The following ZNF662 variants were observed in gnomAD, a reference collection of about 807,000 sequenced individuals.
ZNF662 encodes zinc finger protein 662.
ZNF662 carries 14 observed loss-of-function variants against 12.4 expected under a neutral mutation model. The ratio of observed to expected loss-of-function variants is 1.13; its 90% CI spans 0.75 to 1.77. The LOEUF is 1.77. Among genes scored for constraint, ZNF662 ranks in the 40% most tolerant of loss-of-function variants. The probability of loss-of-function intolerance (pLI) is 0.00; values close to 1 mark genes in which losing one functional copy is unlikely to be tolerated. For synonymous variants in ZNF662, 184 were observed against 176.4 expected, an observed-to-expected ratio of 1.04 and a Z score of -0.34; for missense variants, 550 against 515.6, an observed-to-expected ratio of 1.07 and a Z score of -0.65.
At position 42,906,502 on chromosome 3, in the gene ZNF662, G is replaced by A; in HGVS notation, c.-94+334G>A. On this transcript the variant is annotated intron_variant, in intron 1 of 4. Coordinates refer to ENST00000440367, the MANE Select transcript of ZNF662 (RefSeq NM_207404.4). The surrounding 1 kb of genome is among the most constrained non-coding windows in gnomAD (Gnocchi z 4.4). ...CCCTGCCCTGGGTTCTAGGCCCGGA[G>A]ACGGGGTGGTGCGGCGGCTGGGAAA... is the stretch of plus-strand genomic sequence containing the variant. 1 of 1,351,588 alleles carries A rather than the reference G, an allele frequency of 7.4e-7. No individual in the cohort carries two copies. Among genetic ancestry groups the A allele is most frequent in the Non-Finnish European group, 9.6e-7 (1 of 1,043,264 alleles). The allele number at this position is 1,351,588 out of a possible 1,614,324, so 83.7% of individuals were successfully genotyped here.
chr3:42,910,317 G>A (rs552314200), intron 3 of ZNF662, among the ~76,000 whole-genome samples: 4 of 152,296 alleles, frequency 2.6e-5, no homozygotes, highest in South Asian at 4.1e-4. Flanking sequence ...GTCCAGCCTT[G>A]GCTGGGCTTT....
At chr3:42,907,291 CGGGTGGTGG>C (rs1204984648) in intron 1 of ZNF662, among the ~76,000 whole-genome samples, 1 of 151,936 alleles carries the variant, frequency 6.6e-6, no homozygotes, top group East Asian at 1.9e-4. Context: ...GAGAGTGTTG[CGGGTGGTGG>C]GGGTGCAGGG....
At chr3:42,912,227 A>AAT (rs990914095) in intron 3 of ZNF662, among the ~76,000 whole-genome samples, 1 of 134,732 alleles carries the variant, frequency 7.4e-6, no homozygotes, top group African/African-American at 2.8e-5. Flanking sequence ...ATATAAATAA[A>AAT]ATATATATAA....
At position 42,914,583 on chromosome 3, in the gene ZNF662, A is replaced by T. The variant is rs778389631; in HGVS notation, c.510A>T (p.Ser170=). The change falls in exon 5 of 5, where the codon TCA becomes TCT. Residue 170 remains serine, a synonymous_variant. Coordinates refer to ENST00000440367, the MANE Select transcript of ZNF662 (RefSeq NM_207404.4). ...AGATGATCTCAGTAGAAGAGAGTTC[A>T]GGGAATACTGATGTCAATAACCTCC... ...KDEMISVEES[S]GNTDVNNLLG... The T allele has an allele frequency of 1.2e-6, 2 of 1,614,092 alleles. No homozygotes were observed.
At chr3:42,909,396 T>TAAC (rs1447077042) in intron 3 of ZNF662, among the ~76,000 whole-genome samples, 4 of 152,060 alleles carry the variant, frequency 2.6e-5, no homozygotes, top group African/African-American at 9.7e-5. Flanking sequence ...GGTTATAGAT[T>TAAC]AACAGCATCC....
Position 42,914,746 on chromosome 3 carries a change from T to C in ZNF662, c.673T>C (p.Cys225Arg). ...NGEKVYGCKE[C>R]GKAFSFRSHC... Reference sequence around the variant, plus strand: ...AGAGAAGGTCTATGGATGTAAGGAATGTGGGAAGGCTTTCAGTTTTCGATC... The same window carrying C: ...AGAGAAGGTCTATGGATGTAAGGAACGTGGGAAGGCTTTCAGTTTTCGATC... The change falls in exon 5 of 5, where the codon TGT (cysteine) becomes CGT (arginine). Residue 225 changes from cysteine to arginine, a missense_variant. Physicochemically the swap from Cys to Arg is radical, Grantham distance 180. Transcript: ENST00000440367. 6.2e-7 allele frequency: 1 copy of C among 1,614,158 alleles called. No individual in the cohort carries two copies. Among genetic ancestry groups the C allele is most frequent in the Non-Finnish European group, 8.5e-7 (1 of 1,179,988 alleles).
At position 42,913,302 on chromosome 3, in the gene ZNF662, GGTAA is replaced by G; in HGVS notation, c.253+3_253+6del. On this transcript the variant is annotated splice_donor_variant and splice_donor_region_variant and intron_variant, in intron 4 of 4. Transcript: ENST00000440367. LOFTEE classifies it high-confidence loss of function. The stretch of plus-strand genomic sequence containing the variant: ...AGAGGGTCCAAGCCTGATTTGTCCG[GGTAA>G]GTGAGAGGGAAATGAGCATTCTTCT... The G allele has an allele frequency of 6.2e-7, 1 of 1,610,814 alleles. No individual in the cohort carries two copies.
chr3:42,908,597 T>TCGTC, intron 2 of ZNF662, 196 bp from the exon 3 acceptor site: 1 of 1,424,710 alleles, frequency 7.0e-7, no homozygotes, highest in South Asian at 1.6e-5. Context: ...AGTTACTGAG[T>TCGTC]CGTCTGTCAA....
intron 3 of ZNF662, chr3:42,912,219 A>G (rs1344463771): frequency 3.7e-5 from 5 of 136,860 alleles, no homozygotes; most frequent in Admixed American, 8.2e-5. Context: ...ATATAATCAT[A>G]TAAATAAAAT....
intron 3 of ZNF662, among the ~76,000 whole-genome samples, chr3:42,909,671 G>A (rs1214835065): frequency 1.3e-5 from 2 of 151,034 alleles, no homozygotes; most frequent in African/African-American, 2.4e-5. Context: ...CCTCCCAGAC[G>A]GGGCAGCGGC....
rs1288366978 is a variant in ZNF662 at position 42,915,180 on chromosome 3, C to T, written c.1107C>T (p.Phe369=). 1 of 1,613,984 alleles carries T rather than the reference C, an allele frequency of 6.2e-7. No homozygotes were observed. Among genetic ancestry groups the T allele is most frequent in the Admixed American group, 1.7e-5 (1 of 60,018 alleles). The change falls in exon 5 of 5, where the codon TTC becomes TTT. Residue 369 remains phenylalanine, a synonymous_variant. Transcript: ENST00000440367. ...PHECTDCGKS[F]FCKAHLIRHQ... ...AATGTACTGACTGTGGGAAAAGCTT[C>T]TTTTGCAAGGCACATCTTATTCGAC...
intron 3 of ZNF662, among the ~76,000 whole-genome samples, chr3:42,911,181 G>A (rs972443855): frequency 7.2e-5 from 11 of 152,180 alleles, no homozygotes; most frequent in African/African-American, 2.7e-4. Flanking sequence ...CAATCCTGTG[G>A]CAAGGTAACT....
At position 42,906,484 on chromosome 3, in the gene ZNF662, C is replaced by T. The variant is rs991075777; in HGVS notation, c.-94+316C>T. On this transcript the variant is annotated intron_variant, in intron 1 of 4. Coordinates refer to ENST00000440367, the MANE Select transcript of ZNF662 (RefSeq NM_207404.4). This position sits in a 1 kb window ranked among gnomAD's most constrained non-coding sequence, Gnocchi z 4.4. ...GCCTGGAAGCAGTCTTGGCCCTGCC[C>T]TGGGTTCTAGGCCCGGAGACGGGGT... 2.2e-6 allele frequency: 3 copies of T among 1,392,808 alleles called. No homozygotes were observed. The highest frequency in any genetic ancestry group is 1.5e-5 in the African/African-American group (1 of 65,678). 86.3% of individuals were successfully genotyped at this position (1,392,808 alleles called of 1,614,324 possible). A position where few individuals can be genotyped will look rare whatever the true frequency, so the allele number is the denominator to read the frequency against.
Position 42,917,957 on chromosome 3 carries a change from T to C in ZNF662, c.*2603T>C, listed in dbSNP as rs977005329. ...CCCCGTCTCTACTAAAAATACAAAA[T>C]TAGCCAGGTGTGGTGGCACATGCCA... is the stretch of plus-strand genomic sequence containing the variant. On this transcript the variant is annotated 3_prime_UTR_variant, in exon 5 of 5. Transcript: ENST00000440367. Among the ~76,000 whole-genome samples, 1 of 152,178 alleles carries C rather than the reference T, an allele frequency of 6.6e-6. No homozygotes were observed. The highest frequency in any genetic ancestry group is 1.5e-5 in the Non-Finnish European group (1 of 68,022).
rs1401710159 is a variant in ZNF662, at chr3:42,917,714, C to T, written c.*2360C>T. 4.9e-6 allele frequency: 3 copies of T among 613,956 alleles called. No homozygotes were observed. Among genetic ancestry groups the T allele is most frequent in the Non-Finnish European group, 8.7e-6 (3 of 346,630 alleles). 38.0% of individuals were successfully genotyped at this position (613,956 alleles called of 1,614,324 possible). On this transcript the variant is annotated 3_prime_UTR_variant, in exon 5 of 5. Transcript: ENST00000440367. ...GTTTTGTGTTTGAAATCACTGTTTTCTCATACAGCTCCTCAGTGTCACCTT... is the reference window on the plus strand; with the variant it reads ...GTTTTGTGTTTGAAATCACTGTTTTTTCATACAGCTCCTCAGTGTCACCTT...
chr3:42,915,425 C>A lies in ZNF662; in HGVS notation c.*71C>A. The A allele has an allele frequency of 7.0e-7, 1 of 1,420,018 alleles. No homozygotes were observed. The allele number at this position is 1,420,018 out of a possible 1,614,324, so 88.0% of individuals were successfully genotyped here. A position where few individuals can be genotyped will look rare whatever the true frequency, so the allele number is the denominator to read the frequency against. Reference sequence around the variant, plus strand: ...AACCCTAGAGACAAAATGAGATGACCATTCACAATTTGCTGTAACCCTTAA... The same window carrying A: ...AACCCTAGAGACAAAATGAGATGACAATTCACAATTTGCTGTAACCCTTAA... On this transcript the variant is annotated 3_prime_UTR_variant, in exon 5 of 5. Transcript: ENST00000440367.
chr3:42,918,187 A>G lies in ZNF662; in HGVS notation c.*2833A>G, dbSNP rs1312315371. 1.3e-5 allele frequency among the ~76,000 whole-genome samples: 2 copies of G among 152,244 alleles called. No individual in the cohort carries two copies. The highest frequency in any genetic ancestry group is 2.9e-5 in the Non-Finnish European group (2 of 68,036). On this transcript the variant is annotated 3_prime_UTR_variant, in exon 5 of 5. Coordinates refer to ENST00000440367, the MANE Select transcript of ZNF662 (RefSeq NM_207404.4). ...ATACTACTAAGTGATGCTTTAAGTC[A>G]TACCATTAGTGCAGGAATTTTTGCT... is the stretch of plus-strand genomic sequence containing the variant.
At chr3:42,910,980 C>T (rs900820519) in intron 3 of ZNF662, among the ~76,000 whole-genome samples, 4 of 152,130 alleles carry the variant, frequency 2.6e-5, no homozygotes, top group African/African-American at 9.7e-5. Context: ...GCTCTGTCTC[C>T]GTATGTGTTG....
rs1295075175 is a variant in ZNF662 at position 42,915,136 on chromosome 3, A to G, written c.1063A>G (p.Thr355Ala). Residue 355 changes from threonine to alanine, a missense_variant, in exon 5 of 5, where the codon ACT (threonine) becomes GCT (alanine). Transcript: ENST00000440367. ...TCTTTCTCAGCACCAGAGGGTCCAC[A>G]CTGGGGACAAGCCTCATGAATGTAC... ...SDLSQHQRVH[T>A]GDKPHECTDC... The G allele has an allele frequency of 4.3e-6, 7 of 1,614,046 alleles. No homozygotes were observed. The Admixed American group carries it at 1.0e-4, about 23-fold the overall frequency.
Sources: gnomAD v4.1 joint callset for allele counts (sites outside exome capture counted in the v4.1 genomes callset) on GRCh38, gnomAD v4.1.1 for gene constraint, Gnocchi (gnomAD v3.1) non-coding constraint, MANE v1.5 for transcripts, NCBI Gene and HGNC (gene_info 2026-07-23, HGNC 2026-07-21) for gene names.